The following INHBC variants were observed in gnomAD, a reference collection of about 807,000 sequenced individuals.
INHBC encodes inhibin beta C chain.
INHBC carries 10 observed loss-of-function variants against 12.4 expected under a neutral mutation model. The ratio of observed to expected loss-of-function variants is 0.81; its 90% CI spans 0.50 to 1.37. The LOEUF (loss-of-function observed/expected upper bound fraction) is 1.37, where lower values mean the gene tolerates loss of function less well. Ranked by LOEUF, INHBC falls within the 40% of genes most tolerant of loss-of-function variation. INHBC has a pLI of 0.00. For synonymous variants in INHBC, 147 were observed against 171.6 expected (o/e 0.86, Z 1.12); for missense variants, 382 against 439.4 (o/e 0.87, Z 1.17).
chr12:57,442,542 G>A (rs1157625697), intron 1 of INHBC, among the ~76,000 whole-genome samples: 1 of 152,204 alleles, frequency 6.6e-6, no homozygotes, highest in Non-Finnish European at 1.5e-5. Flanking sequence ...TGAGCAAAAG[G>A]TCCTATAGAC....
chr12:57,436,236 G>A (rs926119201), intron 1 of INHBC, among the ~76,000 whole-genome samples: 1 of 147,658 alleles, frequency 6.8e-6, no homozygotes, highest in Non-Finnish European at 1.5e-5. Flanking sequence ...ATGGTCTCAG[G>A]TCACTGCAAC....
chr12:57,439,681 T>A (rs2139830984), intron 1 of INHBC, among the ~76,000 whole-genome samples: 1 of 152,306 alleles, frequency 6.6e-6, no homozygotes, highest in Middle Eastern at 3.4e-3. Context: ...CCACATTCTA[T>A]CAAGACAGAC....
At chr12:57,443,322 T>G (rs1314713724) in intron 1 of INHBC, among the ~76,000 whole-genome samples, 1 of 151,646 alleles carries the variant, frequency 6.6e-6, no homozygotes, top group Non-Finnish European at 1.5e-5. Context: ...TTCACTCTTG[T>G]TGCCCAGGCT....
rs941858921 is a variant in INHBC, at chr12:57,449,930, C to T, written c.967C>T (p.Arg323Cys). 2 of 1,587,716 alleles carry T rather than the reference C, an allele frequency of 1.3e-6. No homozygotes were observed. The highest frequency in any genetic ancestry group is 1.1e-5 in the South Asian group (1 of 87,302). The change falls in exon 2 of 2, where the codon CGC (arginine) becomes TGC (cysteine). Residue 323 changes from arginine (R) to cysteine (C), a missense_variant. Transcript: ENST00000309668. ...CTCATGCTGTGTACCCACGGCCCGG[C>T]GCCCCCTGTCTCTGCTCTATTATGA... ...GGSCCVPTAR[R>C]PLSLLYYDRD...
intron 1 of INHBC, among the ~76,000 whole-genome samples, chr12:57,446,456 CTTTA>C (rs57129298): frequency 0.29 from 37,786 of 129,924 alleles, 5,728 homozygotes; most frequent in Admixed American, 0.35. Context: ...GAGCTTAGGA[CTTTA>C]TTTATTTATT....
chr12:57,450,049 G>GT lies in INHBC; in HGVS notation c.*29dup. On this transcript the variant is annotated 3_prime_UTR_variant, in exon 2 of 2. Transcript: ENST00000309668. ...CTATGTGTGGTATGGGCAGCCCAAG[G>GT]TTGCATGGGAAAACACGCCCCTACA... 6.7e-7 allele frequency: 1 copy of GT among 1,482,548 alleles called. No homozygotes were observed. The highest frequency in any genetic ancestry group is 8.9e-7 in the Non-Finnish European group (1 of 1,120,994). The allele number at this position is 1,482,548 out of a possible 1,614,324, so 91.8% of individuals were successfully genotyped here.
rs1870712813 is a variant in INHBC, at chr12:57,451,523, G to T, written c.*1501G>T. On this transcript the variant is annotated 3_prime_UTR_variant, in exon 2 of 2. Transcript: ENST00000309668. ...TCCTCCCCCACATCTCCTCCCTTTG[G>T]CTGGACAGTCCTGAACCATGAGGTC... Among the ~76,000 whole-genome samples the T allele has an allele frequency of 6.6e-6, 1 of 152,120 alleles. No individual in the cohort carries two copies. Among genetic ancestry groups the T allele is most frequent in the Non-Finnish European group, 1.5e-5 (1 of 68,034 alleles).
chr12:57,440,544 G>A (rs1870442381), intron 1 of INHBC, among the ~76,000 whole-genome samples: 1 of 151,884 alleles, frequency 6.6e-6, no homozygotes, highest in Non-Finnish European at 1.5e-5. Flanking sequence ...TGTTAGCTCG[G>A]ATGGTCTTGA....
At position 57,450,249 on chromosome 12, in the gene INHBC, A is replaced by C. The variant is rs1005727104; in HGVS notation, c.*227A>C. On this transcript the variant is annotated 3_prime_UTR_variant, in exon 2 of 2. Transcript: ENST00000309668. The stretch of plus-strand genomic sequence containing the variant: ...TACCCTCTTTCCTAGGGCATAGTCC[A>C]TCCCGCTAGTCCATCCCGCTAGCCC... 22 of 432,576 alleles carry C rather than the reference A, an allele frequency of 5.1e-5. No individual in the cohort carries two copies. Among genetic ancestry groups the C allele is most frequent in the Non-Finnish European group, 8.1e-5 (20 of 248,292 alleles). The allele number at this position is 432,576 out of a possible 1,614,324, so 26.8% of individuals were successfully genotyped here. A position where few individuals can be genotyped will look rare whatever the true frequency, so the allele number is the denominator to read the frequency against.
In INHBC at chr12:57,451,797, C is replaced by A. The variant is rs1373391171; in HGVS notation, c.*1775C>A. The A allele has an allele frequency of 2.2e-6, 1 of 452,224 alleles. No individual in the cohort carries two copies. Among genetic ancestry groups the A allele is most frequent in the African/African-American group, 2.0e-5 (1 of 49,870 alleles). The allele number at this position is 452,224 out of a possible 1,614,324, so 28.0% of individuals were successfully genotyped here. On this transcript the variant is annotated 3_prime_UTR_variant, in exon 2 of 2. Transcript: ENST00000309668. ...GAGGAGACCTTCATCTAAGGAGAAT[C>A]TAAGGAGGCCTTCTGGTGTCTCCCC...
intron 1 of INHBC, among the ~76,000 whole-genome samples, chr12:57,435,995 C>G (rs1310412913): frequency 6.6e-6 from 1 of 151,300 alleles, no homozygotes; most frequent in Non-Finnish European, 1.5e-5. Context: ...TACAGGTGCC[C>G]GCCACCACAC....
rs1248023896 is a variant in INHBC at position 57,449,594 on chromosome 12, A to G, written c.631A>G (p.Ile211Val). 2 of 1,614,256 alleles carry G rather than the reference A, an allele frequency of 1.2e-6. No individual in the cohort carries two copies. Among genetic ancestry groups the G allele is most frequent in the Admixed American group, 3.3e-5 (2 of 60,032 alleles). ...LEGQVAQSSV[I>V]LGGAAHRPFV... is the part of the protein sequence containing the mutation. Reference sequence around the variant, plus strand: ...AGGCCAGGTAGCCCAGAGCTCAGTCATCCTGGGTGGAGCTGCCCATAGGCC... The same window carrying G: ...AGGCCAGGTAGCCCAGAGCTCAGTCGTCCTGGGTGGAGCTGCCCATAGGCC... Residue 211 changes from isoleucine to valine, a missense_variant, in exon 2 of 2, where the codon ATC becomes GTC. Ile to Val is a conservative substitution (Grantham distance 29, BLOSUM62 3). Transcript: ENST00000309668.
At chr12:57,444,470 G>A (rs959045683) in intron 1 of INHBC, among the ~76,000 whole-genome samples, 1 of 151,558 alleles carries the variant, frequency 6.6e-6, no homozygotes, top group Non-Finnish European at 1.5e-5. Flanking sequence ...GAACCGGGTA[G>A]GTGGAGGTTG....
At chr12:57,435,334 AC>A in intron 1 of INHBC, 135 bp downstream of exon 1, 1 of 854,228 alleles carries the variant, frequency 1.2e-6, no homozygotes, top group South Asian at 1.8e-5. Flanking sequence ...TAATCTCCTT[AC>A]CCAGGTGTCC....
At chr12:57,448,151 T>A (rs951226642) in intron 1 of INHBC, among the ~76,000 whole-genome samples, 3 of 151,688 alleles carry the variant, frequency 2.0e-5, no homozygotes, top group Non-Finnish European at 4.4e-5. Flanking sequence ...AGGACATTCA[T>A]GTGACAAAAG....
Position 57,449,789 on chromosome 12 carries a change from T to G in INHBC, c.826T>G (p.Cys276Gly). ...IQPEGYAMNF[C>G]IGQCPLHIAG... is the part of the protein sequence containing the mutation. ...GCCTGAGGGCTACGCCATGAACTTCTGCATAGGGCAGTGCCCACTACACAT... is the reference window on the plus strand; with the variant it reads ...GCCTGAGGGCTACGCCATGAACTTCGGCATAGGGCAGTGCCCACTACACAT... Residue 276 changes from cysteine to glycine, a missense_variant, in exon 2 of 2, where the codon TGC becomes GGC. Transcript: ENST00000309668. The G allele has an allele frequency of 6.2e-7, 1 of 1,614,214 alleles. No homozygotes were observed. The highest frequency in any genetic ancestry group is 8.5e-7 in the Non-Finnish European group (1 of 1,180,024).
intron 1 of INHBC, among the ~76,000 whole-genome samples, chr12:57,443,781 T>TTTTG (rs779134098): frequency 6.2e-4 from 94 of 152,122 alleles, no homozygotes; most frequent in East Asian, 3.5e-3. Flanking sequence ...TCAACAAGTA[T>TTTTG]TTTGTTTGTT....
At position 57,438,033 on chromosome 12, in the gene INHBC, G is replaced by A. The variant is rs1031299120; in HGVS notation, c.313+2834G>A. ...ACTCCTGACCCCAAGTGATCTGCTCGCCTCAGCCTCCCAAAGTGCCAGGAT... is the reference window on the plus strand; with the variant it reads ...ACTCCTGACCCCAAGTGATCTGCTCACCTCAGCCTCCCAAAGTGCCAGGAT... On this transcript the variant is annotated intron_variant, in intron 1 of 1. Coordinates refer to ENST00000309668, the MANE Select transcript of INHBC (RefSeq NM_005538.4). Among the ~76,000 whole-genome samples the A allele has an allele frequency of 3.3e-5, 5 of 152,120 alleles. No individual in the cohort carries two copies. The East Asian group carries it at 5.8e-4, about 18-fold the overall frequency.
chr12:57,438,457 T>C (rs115584654), intron 1 of INHBC, among the ~76,000 whole-genome samples: 228 of 152,320 alleles, frequency 1.5e-3, no homozygotes, highest in African/African-American at 5.3e-3. Context: ...TTTCAACATA[T>C]GAATTTTGAG....
Sources: gnomAD v4.1 joint callset for allele counts (sites outside exome capture counted in the v4.1 genomes callset) on GRCh38, gnomAD v4.1.1 for gene constraint, MANE v1.5 for transcripts, NCBI Gene and HGNC (gene_info 2026-07-23, HGNC 2026-07-21) for gene names.